Variants in PTPRN2 observed in about 807,000 individuals in gnomAD.
The protein encoded by PTPRN2 is receptor-type tyrosine-protein phosphatase N2.
In PTPRN2, 74 loss-of-function variants were observed where a neutral mutation model predicts 118.8. That is an observed-to-expected ratio of 0.62 (90% CI 0.52 to 0.76). The LOEUF (loss-of-function observed/expected upper bound fraction) is 0.76. Ranked by LOEUF, PTPRN2 falls within the 30% of genes least tolerant of loss-of-function variation. The pLI, the probability that PTPRN2 is intolerant of heterozygous loss-of-function variation, is 0.00. For missense variants in PTPRN2, 1,481 were observed against 1,394.4 expected, an observed-to-expected ratio of 1.06 and a Z score of -0.99; for synonymous variants, 641 against 608.0, an observed-to-expected ratio of 1.05 and a Z score of -0.80.
At chr7:158,329,426 G>A (rs1438006592) in intron 2 of PTPRN2, among the ~76,000 whole-genome samples, 1 of 152,218 alleles carries the variant, frequency 6.6e-6, no homozygotes, top group African/African-American at 2.4e-5. Flanking sequence ...ACCAGCCCCG[G>A]GTGCTGCTGT....
chr7:157,674,763 C>T lies in PTPRN2; in HGVS notation c.2001+7962G>A, dbSNP rs565086750. On this transcript the variant is annotated intron_variant, in intron 13 of 22. Transcript: ENST00000389418. The surrounding 1 kb of genome is among the most constrained non-coding windows in gnomAD (Gnocchi z 4.5). The stretch of plus-strand genomic sequence containing the variant: ...CTCTGTACACGCCTGTGGAGTCCCA[C>T]CCTGTCGTGTGCACGAGGCTGTCAC... Among the ~76,000 whole-genome samples, 13 of 152,364 alleles carry T rather than the reference C, an allele frequency of 8.5e-5. No homozygotes were observed. Among genetic ancestry groups the T allele is most frequent in the East Asian group, 1.9e-4 (1 of 5,182 alleles).
chr7:158,276,071 C>T (rs895912667), intron 3 of PTPRN2, among the ~76,000 whole-genome samples: 10 of 152,174 alleles, frequency 6.6e-5, no homozygotes, highest in Admixed American at 2.0e-4. Context: ...GGGAGCCCAC[C>T]GGTCAGCCAG....
In PTPRN2 at chr7:157,585,867, C is replaced by T. The variant is rs564703323; in HGVS notation, c.2497-7727G>A. On this transcript the variant is annotated intron_variant, in intron 17 of 22. Transcript: ENST00000389418. The surrounding 1 kb of genome is among the most constrained non-coding windows in gnomAD (Gnocchi z 5.2). Reference sequence around the variant, plus strand: ...GTAAGAATCAGTCAGAAAGGAAAGCCGGACCTGTCCTTTCTACTTGAGTCC... The same window carrying T: ...GTAAGAATCAGTCAGAAAGGAAAGCTGGACCTGTCCTTTCTACTTGAGTCC... Among the ~76,000 whole-genome samples, 7 of 152,266 alleles carry T rather than the reference C, an allele frequency of 4.6e-5. No homozygotes were observed. Among genetic ancestry groups the T allele is most frequent in the East Asian group, 1.9e-4 (1 of 5,174 alleles).
At chr7:158,319,999 ACACT>A (rs1332624295) in intron 2 of PTPRN2, among the ~76,000 whole-genome samples, 15 of 63,950 alleles carry the variant, frequency 2.3e-4, no homozygotes, top group African/African-American at 7.0e-4. Context: ...TCCCTCACAC[ACACT>A]CACACAGCCT....
chr7:157,784,981 C>T lies in PTPRN2; in HGVS notation c.1789-102044G>A, dbSNP rs773763160. Among the ~76,000 whole-genome samples, 5 of 152,144 alleles carry T rather than the reference C, an allele frequency of 3.3e-5. No homozygotes were observed. The highest frequency in any genetic ancestry group is 7.4e-5 in the Non-Finnish European group (5 of 68,010). Reference sequence around the variant, plus strand: ...GAGAGGAGAGCAGAGGGAGCCGAGGCCCTCTGTCCAGGCGGCTGAGGTCAC... The same window carrying T: ...GAGAGGAGAGCAGAGGGAGCCGAGGTCCTCTGTCCAGGCGGCTGAGGTCAC... On this transcript the variant is annotated intron_variant, in intron 12 of 22. Coordinates refer to ENST00000389418, the MANE Select transcript of PTPRN2 (RefSeq NM_002847.5). This position sits in a 1 kb window ranked among gnomAD's most constrained non-coding sequence, Gnocchi z 4.6.
Position 158,188,696 on chromosome 7 carries a change from G to A in PTPRN2, c.549+3631C>T, listed in dbSNP as rs554372089. Among the ~76,000 whole-genome samples, 149 of 141,322 alleles carry A rather than the reference G, an allele frequency of 1.1e-3. 1 individual carries two copies. Among genetic ancestry groups the A allele is most frequent in the African/African-American group, 3.8e-3 (144 of 37,678 alleles). 92.7% of individuals were successfully genotyped at this position (141,322 alleles called of 152,430 possible). A position where few individuals can be genotyped will look rare whatever the true frequency, so the allele number is the denominator to read the frequency against. ...GCTCGCCCCCTGTACTGGAAAGGCC[G>A]CCACGCCCGCCCCCTGTAGGGGGAA... On this transcript the variant is annotated intron_variant, in intron 5 of 22. Coordinates refer to ENST00000389418, the MANE Select transcript of PTPRN2 (RefSeq NM_002847.5).
intron 1 of PTPRN2, among the ~76,000 whole-genome samples, chr7:158,514,760 T>C (rs1347340943): frequency 6.6e-6 from 1 of 152,136 alleles, no homozygotes; most frequent in Non-Finnish European, 1.5e-5. Flanking sequence ...TTTATGAAAA[T>C]AAAACATAAG....
intron 4 of PTPRN2, among the ~76,000 whole-genome samples, chr7:158,199,418 A>G (rs1826459211): frequency 6.6e-6 from 1 of 152,200 alleles, no homozygotes; most frequent in Non-Finnish European, 1.5e-5. Flanking sequence ...CATGTGTGGG[A>G]AGAGAAGAAC....
intron 1 of PTPRN2, among the ~76,000 whole-genome samples, chr7:158,523,953 TGCCCTGGAGTGGAGTCG>T (rs1824528313): frequency 2.1e-5 from 1 of 48,698 alleles, no homozygotes; most frequent in Admixed American, 1.6e-4. Context: ...TGGAGTCGTC[TGCCCTGGAGTGGAGTCG>T]GCCCTGGAGT....
rs527792792 is a variant in PTPRN2, at chr7:157,993,038, C to A, written c.1723+88260G>T. Among the ~76,000 whole-genome samples the A allele has an allele frequency of 2.6e-5, 4 of 152,306 alleles. No homozygotes were observed. In the South Asian group the frequency reaches 8.3e-4, roughly 32 times the overall value. On this transcript the variant is annotated intron_variant, in intron 11 of 22. Coordinates refer to ENST00000389418, the MANE Select transcript of PTPRN2 (RefSeq NM_002847.5). Reference sequence around the variant, plus strand: ...CTTATGACGGAGCCCACGGGGTCTGCCCAGGTCACAGTCCCCTCCCACAGG... The same window carrying A: ...CTTATGACGGAGCCCACGGGGTCTGACCAGGTCACAGTCCCCTCCCACAGG...
At chr7:158,270,391 C>G (rs1185204039) in intron 3 of PTPRN2, among the ~76,000 whole-genome samples, 1 of 152,106 alleles carries the variant, frequency 6.6e-6, no homozygotes, top group Non-Finnish European at 1.5e-5. Context: ...CTCCTTGGCC[C>G]CACTCCATGT....
intron 1 of PTPRN2, among the ~76,000 whole-genome samples, chr7:158,583,502 C>G (rs1828744367): frequency 6.6e-6 from 1 of 152,058 alleles, no homozygotes; most frequent in South Asian, 2.1e-4. Context: ...CACCACTGAC[C>G]TTGATCACCA....
chr7:157,722,020 A>G (rs191000034), intron 12 of PTPRN2, among the ~76,000 whole-genome samples: 1 of 152,288 alleles, frequency 6.6e-6, no homozygotes, highest in East Asian at 1.9e-4. Context: ...AAAGCGCTTC[A>G]GTCTCGCCCC....
At chr7:158,277,941 A>AG (rs370607560) in intron 3 of PTPRN2, among the ~76,000 whole-genome samples, 4 of 152,090 alleles carry the variant, frequency 2.6e-5, no homozygotes, top group South Asian at 2.1e-4. Flanking sequence ...CAGGCACACA[A>AG]GGGGGGGATG....
intron 15 of PTPRN2, chr7:157,616,782 C>T (rs890895678): frequency 2.6e-5 from 4 of 151,726 alleles, no homozygotes; most frequent in African/African-American, 9.7e-5. Flanking sequence ...ATCATGATAA[C>T]TTTTGGTCAC....
chr7:157,976,699 G>A (rs188015575), intron 11 of PTPRN2, among the ~76,000 whole-genome samples: 9 of 151,980 alleles, frequency 5.9e-5, no homozygotes, highest in Non-Finnish European at 8.8e-5. Flanking sequence ...GACTTGTGCC[G>A]CAGATTGGGG....
intron 1 of PTPRN2, among the ~76,000 whole-genome samples, chr7:158,521,319 C>G (rs150842268): frequency 6.6e-6 from 1 of 152,162 alleles, no homozygotes; most frequent in Non-Finnish European, 1.5e-5. Context: ...GTGATTCACC[C>G]GAAACCACAC....
At chr7:157,899,350 TG>T (rs1442485046) in intron 11 of PTPRN2, among the ~76,000 whole-genome samples, 1 of 152,200 alleles carries the variant, frequency 6.6e-6, no homozygotes, top group Non-Finnish European at 1.5e-5. Flanking sequence ...AAATGAGCTC[TG>T]GAAACAATTA....
intron 5 of PTPRN2, among the ~76,000 whole-genome samples, chr7:158,172,701 C>T (rs1475188796): frequency 6.6e-6 from 1 of 150,478 alleles, no homozygotes; most frequent in Non-Finnish European, 1.5e-5. Flanking sequence ...TCATCTTCAC[C>T]ATCCACAGCA....
Sources: allele counts gnomAD v4.1 joint callset (sites outside exome capture counted in the v4.1 genomes callset), GRCh38; gene constraint gnomAD v4.1.1; non-coding constraint Gnocchi (gnomAD v3.1); transcripts MANE v1.5; gene names NCBI Gene and HGNC (gene_info 2026-07-23, HGNC 2026-07-21).